DCC: variants seen among roughly 807,000 people sequenced by gnomAD.
DCC encodes netrin receptor DCC.
DCC carries 58 observed loss-of-function variants against 172.5 expected under a neutral mutation model. The observed-to-expected ratio is 0.34, with a 90% CI of 0.27 to 0.42. The LOEUF is 0.42. Among genes scored for constraint, DCC ranks in the 10% least tolerant of loss-of-function variants. DCC has a pLI of 1.00. For synonymous variants in DCC, 709 were observed against 644.5 expected (o/e 1.10, Z -1.52); for missense variants, 1,740 against 1,791.0 (o/e 0.97, Z 0.51).
chr18:52,969,069 T>G (rs1323319564), intron 5 of DCC, among the ~76,000 whole-genome samples: 5 of 152,122 alleles, frequency 3.3e-5, no homozygotes, highest in Non-Finnish European at 7.4e-5. Flanking sequence ...TAGTAGCCCA[T>G]CTCTAGTTAT....
chr18:52,939,652 T>C (rs185457082), intron 5 of DCC, among the ~76,000 whole-genome samples: 2 of 152,166 alleles, frequency 1.3e-5, no homozygotes, highest in Non-Finnish European at 2.9e-5. Flanking sequence ...CTCAATATAT[T>C]ATGGAGATAC....
chr18:53,275,276 C>A (rs11660187), intron 12 of DCC, among the ~76,000 whole-genome samples: 44,216 of 151,934 alleles, frequency 0.29, 8,280 homozygotes, highest in Non-Finnish European at 0.43. Flanking sequence ...TACTGCTTTG[C>A]AAGTACTAAG....
intron 1 of DCC, among the ~76,000 whole-genome samples, chr18:52,519,579 C>G (rs768298472): frequency 6.6e-6 from 1 of 152,104 alleles, no homozygotes; most frequent in Non-Finnish European, 1.5e-5. Flanking sequence ...AAGAGAGGAA[C>G]AGGTAAAGCA....
intron 14 of DCC, among the ~76,000 whole-genome samples, chr18:53,333,656 A>C (rs1221860665): frequency 6.6e-6 from 1 of 152,192 alleles, no homozygotes; most frequent in Admixed American, 6.5e-5. Flanking sequence ...GAGAGAGATC[A>C]TTTATGGCCT....
chr18:53,472,418 A>G (rs1445528678), intron 25 of DCC, among the ~76,000 whole-genome samples: 5 of 152,192 alleles, frequency 3.3e-5, no homozygotes, highest in Non-Finnish European at 7.3e-5. Context: ...CTACTGAGAA[A>G]GATACTGTGC....
chr18:53,492,032 C>A (rs535105918), intron 26 of DCC, among the ~76,000 whole-genome samples: 2 of 151,962 alleles, frequency 1.3e-5, no homozygotes, highest in Non-Finnish European at 2.9e-5. Context: ...TATCTCATTG[C>A]GGTTTTGATT....
At chr18:52,525,484 C>T (rs2031955005) in intron 1 of DCC, among the ~76,000 whole-genome samples, 1 of 152,210 alleles carries the variant, frequency 6.6e-6, no homozygotes, top group African/African-American at 2.4e-5. Context: ...TAGATATAGT[C>T]ATCCCCATTC....
At chr18:52,562,500 G>A (rs2033062494) in intron 1 of DCC, among the ~76,000 whole-genome samples, 1 of 152,052 alleles carries the variant, frequency 6.6e-6, no homozygotes, top group Non-Finnish European at 1.5e-5. Context: ...TTAATTTAAT[G>A]GAAAATAGCA....
chr18:53,089,172 G>A (rs1234560754), intron 7 of DCC, among the ~76,000 whole-genome samples: 1 of 152,024 alleles, frequency 6.6e-6, no homozygotes, highest in Non-Finnish European at 1.5e-5. Context: ...TGCAACCTCT[G>A]CCTCCTGAGC....
Position 53,126,745 on chromosome 18 carries a change from G to T in DCC, c.1262-30611G>T, listed in dbSNP as rs1225918520. Among the ~76,000 whole-genome samples the T allele has an allele frequency of 3.3e-5, 5 of 152,136 alleles. No individual in the cohort carries two copies. In the East Asian group the frequency reaches 9.6e-4, roughly 29 times the overall value. On this transcript the variant is annotated intron_variant, in intron 7 of 28. Coordinates refer to ENST00000442544, the MANE Select transcript of DCC (RefSeq NM_005215.4). ...CTTGTAATGCTGGCAGAATCCAGAT[G>T]CTCAGGTCAAATAAGACCATAAGTG...
At chr18:52,533,349 A>C (rs1396670723) in intron 1 of DCC, among the ~76,000 whole-genome samples, 2 of 152,122 alleles carry the variant, frequency 1.3e-5, no homozygotes, top group Admixed American at 1.3e-4. Context: ...ATACAGAAAA[A>C]TTTCAACATC....
rs151131015 is a variant in DCC at position 53,340,047 on chromosome 18, T to TACACACACACAC, written c.2359+158_2359+169dup. Reference sequence around the variant, plus strand: ...TTAGCTCTGAAAGCAACTGTCTATCTACACACACACACACACACACACACA... The same window carrying TACACACACACAC: ...TTAGCTCTGAAAGCAACTGTCTATCTACACACACACACACACACACACACACACACACACACA... On this transcript the variant is annotated intron_variant, in intron 15 of 28. Coordinates refer to ENST00000442544, the MANE Select transcript of DCC (RefSeq NM_005215.4). 1.7e-3 allele frequency: 1,036 copies of TACACACACACAC among 592,148 alleles called. 4 individuals carry two copies. The highest frequency in any genetic ancestry group is 0.015 in the African/African-American group (766 of 52,552). 36.7% of individuals were successfully genotyped at this position (592,148 alleles called of 1,614,324 possible). A position where few individuals can be genotyped will look rare whatever the true frequency, so the allele number is the denominator to read the frequency against.
intron 9 of DCC, among the ~76,000 whole-genome samples, chr18:53,204,780 C>A (rs763769549): frequency 6.6e-6 from 1 of 152,076 alleles, no homozygotes. Context: ...CATAGCTGTG[C>A]GACCTATTTT....
intron 2 of DCC, among the ~76,000 whole-genome samples, chr18:52,819,659 T>C (rs1025202786): frequency 4.6e-5 from 7 of 152,210 alleles, no homozygotes; most frequent in Non-Finnish European, 1.0e-4. Context: ...TGTTGTCTTA[T>C]TTAGTATGTT....
chr18:52,447,579 A>C (rs1988165224), intron 1 of DCC, among the ~76,000 whole-genome samples: 1 of 152,184 alleles, frequency 6.6e-6, no homozygotes. Context: ...CTGTTCTCGA[A>C]CTGCTATAAA....
intron 12 of DCC, among the ~76,000 whole-genome samples, chr18:53,225,947 C>T (rs2056021623): frequency 1.3e-5 from 2 of 152,012 alleles, no homozygotes; most frequent in African/African-American, 4.8e-5. Context: ...TGGATCTAAG[C>T]TACCTATGGA....
chr18:53,178,766 G>T (rs1324120472), intron 8 of DCC, among the ~76,000 whole-genome samples, 196 bp from the exon 9 acceptor site: 5 of 152,200 alleles, frequency 3.3e-5, no homozygotes, highest in Middle Eastern at 6.8e-3. Flanking sequence ...CAGAATCCTT[G>T]CAACATTTAT....
intron 1 of DCC, among the ~76,000 whole-genome samples, chr18:52,605,407 C>T (rs902559976): frequency 1.4e-4 from 22 of 152,078 alleles, no homozygotes; most frequent in South Asian, 2.1e-4. Context: ...CTACTGCATT[C>T]GATTTGTTAG....
intron 7 of DCC, among the ~76,000 whole-genome samples, chr18:53,075,320 C>T (rs907153220): frequency 5.9e-5 from 9 of 152,136 alleles, no homozygotes; most frequent in African/African-American, 2.2e-4. Flanking sequence ...TGTCATTCAC[C>T]TTGTCCTTCA....
Sources: allele counts gnomAD v4.1 joint callset (sites outside exome capture counted in the v4.1 genomes callset), GRCh38; gene constraint gnomAD v4.1.1; transcripts MANE v1.5; gene names NCBI Gene and HGNC (gene_info 2026-07-23, HGNC 2026-07-21).